EFCAB6: variants seen among roughly 807,000 people sequenced by gnomAD.
EFCAB6 encodes EF-hand calcium-binding domain-containing protein 6.
Under a neutral mutation model 169.8 loss-of-function variants are expected in EFCAB6, and 156 were observed. The ratio of observed to expected loss-of-function variants is 0.92; its 90% CI spans 0.81 to 1.05. The LOEUF (loss-of-function observed/expected upper bound fraction) is 1.05. EFCAB6 is among the 50% of genes least tolerant of loss of function. The pLI is 0.00. For missense variants in EFCAB6, 1,800 were observed against 1,829.1 expected (o/e 0.98, Z 0.29); for synonymous variants, 698 against 676.4 (o/e 1.03, Z -0.50).
intron 23 of EFCAB6, among the ~76,000 whole-genome samples, chr22:43,595,571 C>G (rs1052814601): frequency 5.3e-5 from 8 of 152,008 alleles, no homozygotes; most frequent in African/African-American, 1.9e-4. Context: ...TCTGAACACA[C>G]CAACAATGAG....
chr22:43,685,960 A>G (rs2058179799), intron 11 of EFCAB6, among the ~76,000 whole-genome samples: 1 of 143,738 alleles, frequency 7.0e-6, no homozygotes, highest in Non-Finnish European at 1.5e-5. Flanking sequence ...CCCCTTTTAC[A>G]ATGTAAATAA....
Position 43,735,954 on chromosome 22 carries a change from G to A in EFCAB6, c.547C>T (p.Leu183Phe). ...NIKTVMKAFE[L>F]IDVNKTGLVR... ...AGTCCAGTCTTGTTAACATCAATGA[G>A]CTCAAAGGCTTTCATAACAGTCTTA... The change falls in exon 7 of 32, where the codon CTC becomes TTC. Residue 183 changes from leucine to phenylalanine, a missense_variant. Leu to Phe is a conservative substitution (Grantham distance 22). Coordinates refer to ENST00000262726, the MANE Select transcript of EFCAB6 (RefSeq NM_022785.4). 1.2e-6 allele frequency: 2 copies of A among 1,613,948 alleles called. No homozygotes were observed. The highest frequency in any genetic ancestry group is 1.1e-5 in the South Asian group (1 of 91,016).
intron 25 of EFCAB6, among the ~76,000 whole-genome samples, chr22:43,576,935 C>T (rs552757159): frequency 2.6e-5 from 4 of 152,314 alleles, no homozygotes; most frequent in African/African-American, 9.6e-5. Context: ...CACCGCATCA[C>T]ATCAGGGCTG....
At chr22:43,642,237 G>A (rs984621704) in intron 17 of EFCAB6, among the ~76,000 whole-genome samples, 8 of 152,150 alleles carry the variant, frequency 5.3e-5, no homozygotes, top group East Asian at 3.8e-4. Context: ...CACCATTCCC[G>A]GCTGAGATTG....
chr22:43,649,832 G>T (rs1161794775), intron 17 of EFCAB6, among the ~76,000 whole-genome samples: 1 of 152,218 alleles, frequency 6.6e-6, no homozygotes, highest in African/African-American at 2.4e-5. Flanking sequence ...TGAGCCATTT[G>T]CTAATCTGGG....
intron 23 of EFCAB6, among the ~76,000 whole-genome samples, chr22:43,591,130 T>G (rs1410809277): frequency 1.1e-4 from 16 of 151,180 alleles, no homozygotes; most frequent in African/African-American, 3.9e-4. Flanking sequence ...TTTTGTTTTT[T>G]TTTTGTTTTT....
intron 26 of EFCAB6, among the ~76,000 whole-genome samples, chr22:43,576,031 A>C (rs2050234167): frequency 6.6e-6 from 1 of 152,228 alleles, no homozygotes; most frequent in African/African-American, 2.4e-5. Flanking sequence ...GACTCCTTAG[A>C]ATGCTAAATC....
chr22:43,749,085 C>T (rs961895766), intron 6 of EFCAB6, among the ~76,000 whole-genome samples: 2 of 152,024 alleles, frequency 1.3e-5, no homozygotes, highest in Non-Finnish European at 2.9e-5. Flanking sequence ...CAGAAGTGTC[C>T]GGGTTTGGGA....
At position 43,646,193 on chromosome 22, in the gene EFCAB6, G is replaced by A. The variant is rs2056145508; in HGVS notation, c.1984-10977C>T. Among the ~76,000 whole-genome samples the A allele has an allele frequency of 2.0e-5, 3 of 152,272 alleles. No homozygotes were observed. The South Asian group carries it at 6.2e-4, about 32-fold the overall frequency. On this transcript the variant is annotated intron_variant, in intron 17 of 31. Coordinates refer to ENST00000262726, the MANE Select transcript of EFCAB6 (RefSeq NM_022785.4). ...AGAAACTCAAAGCTCAGGACAAATG[G>A]GCGCAACAGGAAAAGCCGATGCTAA...
At chr22:43,703,220 C>T (rs2058829918) in intron 10 of EFCAB6, among the ~76,000 whole-genome samples, 1 of 152,222 alleles carries the variant, frequency 6.6e-6, no homozygotes, top group South Asian at 2.1e-4. Context: ...ATTACTGAGC[C>T]CAGCTTGGCT....
At chr22:43,549,518 C>T (rs936593221) in intron 27 of EFCAB6, among the ~76,000 whole-genome samples, 2 of 152,110 alleles carry the variant, frequency 1.3e-5, no homozygotes, top group South Asian at 4.1e-4. Context: ...GCTTTATAAT[C>T]CTGAAAGAAA....
intron 27 of EFCAB6, among the ~76,000 whole-genome samples, chr22:43,542,097 C>T (rs1329907566): frequency 1.3e-5 from 2 of 152,260 alleles, no homozygotes; most frequent in African/African-American, 4.8e-5. Context: ...TTGCACCCTC[C>T]TGTTTGAGCT....
At chr22:43,679,122 C>A (rs904157592) in intron 12 of EFCAB6, among the ~76,000 whole-genome samples, 1 of 152,228 alleles carries the variant, frequency 6.6e-6, no homozygotes, top group African/African-American at 2.4e-5. Flanking sequence ...TCAGCACCCC[C>A]AGAAGAAATC....
intron 26 of EFCAB6, among the ~76,000 whole-genome samples, chr22:43,561,103 A>C (rs1440035181): frequency 6.6e-6 from 1 of 152,180 alleles, no homozygotes; most frequent in Non-Finnish European, 1.5e-5. Flanking sequence ...TCACACCTGT[A>C]ATCTCAGCAC....
intron 17 of EFCAB6, among the ~76,000 whole-genome samples, chr22:43,660,101 C>T (rs147690580): frequency 6.6e-6 from 1 of 152,166 alleles, no homozygotes; most frequent in Non-Finnish European, 1.5e-5. Flanking sequence ...AATGTGTTCA[C>T]AGAGAATGAA....
intron 20 of EFCAB6, among the ~76,000 whole-genome samples, chr22:43,621,550 A>C (rs1036282700): frequency 2.0e-5 from 3 of 152,160 alleles, no homozygotes; most frequent in African/African-American, 7.2e-5. Flanking sequence ...AATGCAGCTA[A>C]ATCAGTGCCT....
chr22:43,691,699 T>G (rs1399957217), intron 10 of EFCAB6, among the ~76,000 whole-genome samples: 1 of 152,182 alleles, frequency 6.6e-6, no homozygotes, highest in Non-Finnish European at 1.5e-5. Context: ...GTTAAAATTC[T>G]TAAAGCATAA....
intron 27 of EFCAB6, among the ~76,000 whole-genome samples, chr22:43,548,097 A>AAAAT (rs1179587315): frequency 2.0e-5 from 3 of 152,306 alleles, no homozygotes; most frequent in East Asian, 1.9e-4. Context: ...CTCCGTCTCA[A>AAAAT]AAATAAATAA....
intron 23 of EFCAB6, among the ~76,000 whole-genome samples, 157 bp downstream of exon 23, chr22:43,599,912 C>T (rs996829831): frequency 2.6e-5 from 4 of 152,162 alleles, no homozygotes; most frequent in African/African-American, 9.7e-5. Flanking sequence ...TCTTTGACTT[C>T]GCACCAATTT....
Sources: gnomAD v4.1 joint callset for allele counts (sites outside exome capture counted in the v4.1 genomes callset) on GRCh38, gnomAD v4.1.1 for gene constraint, MANE v1.5 for transcripts, NCBI Gene and HGNC (gene_info 2026-07-23, HGNC 2026-07-21) for gene names.